ACTC1: variants seen among roughly 807,000 people sequenced by gnomAD.
ACTC1 encodes actin, alpha cardiac muscle 1.
A neutral mutation model predicts 31.6 loss-of-function variants in ACTC1; 10 were observed. The ratio of observed to expected loss-of-function variants is 0.32; its 90% CI spans 0.19 to 0.54. The LOEUF (loss-of-function observed/expected upper bound fraction) is 0.54, where lower values mean the gene tolerates loss of function less well. ACTC1 is among the 20% of genes least tolerant of loss of function. The pLI is 0.95. For missense variants in ACTC1, 129 were observed against 506.4 expected, an observed-to-expected ratio of 0.25 and a Z score of 7.15; for synonymous variants, 196 against 185.0, an observed-to-expected ratio of 1.06 and a Z score of -0.48.
At chr15:34,794,878 G>A in intron 1 of ACTC1, 48 bp from the exon 2 acceptor site, 1 of 1,584,286 alleles carries the variant, frequency 6.3e-7, no homozygotes, top group Non-Finnish European at 8.6e-7. Flanking sequence ...TGCCTGTGCA[G>A]CTGGCCTTCT....
chr15:34,791,325 ACACACACACACACAC>A, intron 5 of ACTC1, 30 bp from the exon 6 acceptor site: 1 of 960,990 alleles, frequency 1.0e-6, no homozygotes, highest in South Asian at 2.0e-5. Flanking sequence ...ACACACACAC[ACACACACACACACAC>A]ACACACACAC....
intron 1 of ACTC1, 136 bp from the exon 2 acceptor site, chr15:34,794,966 A>G: frequency 2.3e-6 from 2 of 867,866 alleles, no homozygotes; most frequent in Non-Finnish European, 3.4e-6. Flanking sequence ...CACTCCTGCC[A>G]CCTCCCTTCC....
rs1397259354 is a variant in ACTC1, at chr15:34,793,121, C to T, written c.454+124G>A. The T allele has an allele frequency of 2.0e-6, 2 of 1,005,688 alleles. No individual in the cohort carries two copies. The highest frequency in any genetic ancestry group is 3.2e-5 in the African/African-American group (2 of 62,928). 62.3% of individuals were successfully genotyped at this position (1,005,688 alleles called of 1,614,324 possible). On this transcript the variant is annotated intron_variant, in intron 3 of 6. Transcript: ENST00000290378. This position sits in a 1 kb window ranked among gnomAD's most constrained non-coding sequence, Gnocchi z 4.8. ...CTACTGTTAACTCTTTCTCTTAGCA[C>T]AGACCTTGCTAGGGAATGGGAGGAA...
At chr15:34,794,397 C>A (rs1465138280) in intron 2 of ACTC1, among the ~76,000 whole-genome samples, 2 of 152,162 alleles carry the variant, frequency 1.3e-5, no homozygotes, top group African/African-American at 4.8e-5. Flanking sequence ...GCAGAGAAGA[C>A]ACTAAAGACT....
chr15:34,791,847 G>T, intron 5 of ACTC1: 1 of 535,348 alleles, frequency 1.9e-6, no homozygotes, highest in Non-Finnish European at 3.3e-6. Context: ...GTGCTATTCA[G>T]TTACTACTCT....
rs769158928 is a variant in ACTC1, at chr15:34,792,106, G to A, written c.792C>T (p.Phe264=). The A allele has an allele frequency of 6.8e-6, 11 of 1,614,102 alleles. No homozygotes were observed. The Admixed American group carries it at 1.8e-4, about 27-fold the overall frequency. ...NERFRCPETL[F]QPSFIGMESA... ...ACAACTCACCAATGAAGGAGGGCTG[G>A]AAGAGTGTCTCAGGACAGCGGAAGC... is the stretch of plus-strand genomic sequence containing the variant. Residue 264 remains phenylalanine, a synonymous_variant, in exon 5 of 7, where the codon TTC becomes TTT. Transcript: ENST00000290378. The surrounding 1 kb of genome is among the most constrained non-coding windows in gnomAD (Gnocchi z 5.3).
In ACTC1 at chr15:34,790,256, T is replaced by C. The variant is rs955752034; in HGVS notation, c.*156A>G. 15 of 1,062,154 alleles carry C rather than the reference T, an allele frequency of 1.4e-5. No homozygotes were observed. Among genetic ancestry groups the C allele is most frequent in the African/African-American group, 6.3e-5 (4 of 63,422 alleles). The allele number at this position is 1,062,154 out of a possible 1,614,324, so 65.8% of individuals were successfully genotyped here. On this transcript the variant is annotated 3_prime_UTR_variant, in exon 7 of 7. Coordinates refer to ENST00000290378, the MANE Select transcript of ACTC1 (RefSeq NM_005159.5). ...AGGTTGCAAGTCCTGGTCTGGTTTA[T>C]TTATAAAGCAATAAATATTAGAAGC... is the stretch of plus-strand genomic sequence containing the variant.
intron 6 of ACTC1, among the ~76,000 whole-genome samples, chr15:34,790,884 G>A (rs190990403): frequency 6.6e-6 from 1 of 152,244 alleles, no homozygotes; most frequent in Admixed American, 6.5e-5. Context: ...TTGCGTGTGT[G>A]TGTGTCTTTT....
Position 34,792,780 on chromosome 15 carries a change from T to C in ACTC1, c.455-211A>G, listed in dbSNP as rs1403008877. 8 of 599,098 alleles carry C rather than the reference T, an allele frequency of 1.3e-5. No individual in the cohort carries two copies. The highest frequency in any genetic ancestry group is 9.9e-5 in the South Asian group (5 of 50,452). 37.1% of individuals were successfully genotyped at this position (599,098 alleles called of 1,614,324 possible). A position where few individuals can be genotyped will look rare whatever the true frequency, so the allele number is the denominator to read the frequency against. Reference sequence around the variant, plus strand: ...CTGCAGCTCATCTTTTTAACTATTATAGTAGAAAAAATTCCCGAGGACACT... The same window carrying C: ...CTGCAGCTCATCTTTTTAACTATTACAGTAGAAAAAATTCCCGAGGACACT... On this transcript the variant is annotated intron_variant, in intron 3 of 6. Transcript: ENST00000290378. This position sits in a 1 kb window ranked among gnomAD's most constrained non-coding sequence, Gnocchi z 5.3.
rs1396899572 is a variant in ACTC1 at position 34,792,321 on chromosome 15, A to T, written c.617-40T>A. The T allele has an allele frequency of 6.2e-7, 1 of 1,614,088 alleles. No homozygotes were observed. Among genetic ancestry groups the T allele is most frequent in the Non-Finnish European group, 8.5e-7 (1 of 1,179,930 alleles). The stretch of plus-strand genomic sequence containing the variant: ...AGTATCACAGTCATGCTCTGAAGCA[A>T]GAAGTCAATTATAGGGAGGTAGGCG... On this transcript the variant is annotated intron_variant, in intron 4 of 6. Transcript: ENST00000290378. This position sits in a 1 kb window ranked among gnomAD's most constrained non-coding sequence, Gnocchi z 5.3.
At position 34,791,306 on chromosome 15, in the gene ACTC1, GTC is replaced by G. The variant is rs1595760328; in HGVS notation, c.809-13_809-12del. The G allele has an allele frequency of 2.1e-6, 3 of 1,430,134 alleles. No individual in the cohort carries two copies. The East Asian group carries it at 7.3e-5, about 35-fold the overall frequency. 88.6% of individuals were successfully genotyped at this position (1,430,134 alleles called of 1,614,324 possible). A position where few individuals can be genotyped will look rare whatever the true frequency, so the allele number is the denominator to read the frequency against. ...CAGCAGATTCCATACCTGGGAACGA[GTC>G]ACACACACACACACACACACACACA... On this transcript the variant is annotated splice_polypyrimidine_tract_variant and intron_variant, in intron 5 of 6. Coordinates refer to ENST00000290378, the MANE Select transcript of ACTC1 (RefSeq NM_005159.5).
chr15:34,791,330 CA>C (rs757926447), intron 5 of ACTC1, 35 bp from the exon 6 acceptor site: 1 of 1,571,696 alleles, frequency 6.4e-7, no homozygotes. Flanking sequence ...CACACACACA[CA>C]CACACACACA....
In ACTC1 at chr15:34,794,613, A is replaced by G. The variant is rs188312846; in HGVS notation, c.129+67T>C. 1.1e-4 allele frequency: 167 copies of G among 1,561,648 alleles called. 1 individual carries two copies. The Admixed American group carries it at 3.0e-3, about 28-fold the overall frequency. On this transcript the variant is annotated intron_variant, in intron 2 of 6. Transcript: ENST00000290378. Reference sequence around the variant, plus strand: ...TCATCGAACAAGAGGGTCAGGTGAGAGCCATTTCCTAGATCGCTGGACTGA... The same window carrying G: ...TCATCGAACAAGAGGGTCAGGTGAGGGCCATTTCCTAGATCGCTGGACTGA...
rs753599089 is a variant in ACTC1 at position 34,792,259 on chromosome 15, G to T, written c.639C>A (p.Asp213Glu). 1 of 1,614,112 alleles carries T rather than the reference G, an allele frequency of 6.2e-7. No homozygotes were observed. Among genetic ancestry groups the T allele is most frequent in the Non-Finnish European group, 8.5e-7 (1 of 1,180,050 alleles). The change falls in exon 5 of 7, where the codon GAC (aspartate) becomes GAA (glutamate). Residue 213 changes from aspartate (D) to glutamate (E), a missense_variant. This residue lies in a region of ACTC1 where 37 missense variants were observed against 228.6 expected (regional missense o/e 0.16). Transcript: ENST00000290378. The surrounding 1 kb of genome is among the most constrained non-coding windows in gnomAD (Gnocchi z 5.3). Reference protein sequence around the residue: ...VTTAEREIVRDIKEKLCYVAL... With the variant: ...VTTAEREIVREIKEKLCYVAL... ...CGACATAGCACAGCTTCTCTTTAAT[G>T]TCACGGACAATTTCACGTTCAGCTA...
At position 34,794,648 on chromosome 15, in the gene ACTC1, G is replaced by T. The variant is rs76013827; in HGVS notation, c.129+32C>A. The T allele has an allele frequency of 2.1e-3, 3,402 of 1,604,810 alleles. 70 individuals are homozygous for T. In the African/African-American group the frequency reaches 0.038, roughly 18 times the overall value. The stretch of plus-strand genomic sequence containing the variant: ...TAGATCGCTGGACTGAAGGGGTCCC[G>T]AGTGGGACGGGGGGCTCGGCGGGAA... On this transcript the variant is annotated intron_variant, in intron 2 of 6. Transcript: ENST00000290378.
intron 2 of ACTC1, among the ~76,000 whole-genome samples, chr15:34,794,293 G>C (rs1891767936): frequency 6.6e-6 from 1 of 152,224 alleles, no homozygotes; most frequent in Non-Finnish European, 1.5e-5. Flanking sequence ...AGAGGAATGT[G>C]GATTTGGTCC....
chr15:34,792,118 AG>A lies in ACTC1; in HGVS notation c.779del (p.Pro260LeufsTer26). ...TGAAGGAGGGCTGGAAGAGTGTCTC[AG>A]GACAGCGGAAGCGCTCATTGCCAAT... ...ITIGNERFRC[P>X]ETLFQPSFIG... is the part of the protein sequence containing the mutation. On this transcript the variant is annotated frameshift_variant, in exon 5 of 7. Coordinates refer to ENST00000290378, the MANE Select transcript of ACTC1 (RefSeq NM_005159.5). LOFTEE classifies it high-confidence loss of function. This position sits in a 1 kb window ranked among gnomAD's most constrained non-coding sequence, Gnocchi z 5.3. The A allele has an allele frequency of 6.2e-7, 1 of 1,614,248 alleles. No homozygotes were observed. Among genetic ancestry groups the A allele is most frequent in the Non-Finnish European group, 8.5e-7 (1 of 1,180,046 alleles).
Position 34,794,734 on chromosome 15 carries a change from G to T in ACTC1, c.75C>A (p.Gly25=), listed in dbSNP as rs144819872. 1.2e-6 allele frequency: 2 copies of T among 1,613,370 alleles called. No individual in the cohort carries two copies. The highest frequency in any genetic ancestry group is 2.7e-5 in the African/African-American group (2 of 74,932). Reference sequence around the variant, plus strand: ...GGAAGACAGCGCGGGGCGCGTCATCGCCCGCAAAGCCGGCCTTCACCAGCC... The same window carrying T: ...GGAAGACAGCGCGGGGCGCGTCATCTCCCGCAAAGCCGGCCTTCACCAGCC... ...GSGLVKAGFA[G]DDAPRAVFPS... Residue 25 remains glycine, a synonymous_variant, in exon 2 of 7, where the codon GGC becomes GGA. Coordinates refer to ENST00000290378, the MANE Select transcript of ACTC1 (RefSeq NM_005159.5).
intron 1 of ACTC1, 123 bp from the exon 2 acceptor site, chr15:34,794,953 G>C: frequency 8.3e-5 from 55 of 661,926 alleles, no homozygotes; most frequent in East Asian, 3.7e-4. Flanking sequence ...GTTGGGCGGG[G>C]AACACTCCTG....
Sources: allele counts gnomAD v4.1 joint callset (sites outside exome capture counted in the v4.1 genomes callset), GRCh38; gene constraint gnomAD v4.1.1; regional missense constraint gnomAD v4.1.1; non-coding constraint Gnocchi (gnomAD v3.1); transcripts MANE v1.5; gene names NCBI Gene and HGNC (gene_info 2026-07-23, HGNC 2026-07-21).